The following IRAK3 variants were observed in gnomAD, a reference collection of about 807,000 sequenced individuals.
The protein encoded by IRAK3 is interleukin 1 receptor associated kinase 3, also known as interleukin-1 receptor-associated kinase 3.
Under a neutral mutation model 56.6 loss-of-function variants are expected in IRAK3, and 57 were observed. The observed-to-expected ratio is 1.01, with a 90% CI of 0.81 to 1.26. IRAK3 has a LOEUF of 1.26. IRAK3 is among the 50% of genes most tolerant of loss of function. IRAK3 has a pLI of 0.00. For synonymous variants in IRAK3, 258 were observed against 255.7 expected, an observed-to-expected ratio of 1.01 and a Z score of -0.09; for missense variants, 703 against 719.0, an observed-to-expected ratio of 0.98 and a Z score of 0.25.
Position 66,253,836 on chromosome 12 carries a change from C to T in IRAK3, c.*5665C>T, listed in dbSNP as rs1223468805. The T allele has an allele frequency of 6.6e-6, 1 of 151,992 alleles. No homozygotes were observed. Among genetic ancestry groups the T allele is most frequent in the Non-Finnish European group, 1.5e-5 (1 of 67,996 alleles). The allele number at this position is 151,992 out of a possible 1,614,324, so 9.4% of individuals were successfully genotyped here. On this transcript the variant is annotated 3_prime_UTR_variant, in exon 12 of 12. Coordinates refer to ENST00000261233, the MANE Select transcript of IRAK3 (RefSeq NM_007199.3). Reference sequence around the variant, plus strand: ...ATCTATTAGATTTAAAAAAATGAAGCATAAAGGAGTTGGCTCTTGCCCTAA... The same window carrying T: ...ATCTATTAGATTTAAAAAAATGAAGTATAAAGGAGTTGGCTCTTGCCCTAA...
rs148370500 is a variant in IRAK3, at chr12:66,199,561, C to T, written c.134-4150C>T. Among the ~76,000 whole-genome samples the T allele has an allele frequency of 4.6e-5, 7 of 152,320 alleles. No individual in the cohort carries two copies. In the East Asian group the frequency reaches 1.4e-3, roughly 29 times the overall value. On this transcript the variant is annotated intron_variant, in intron 1 of 11. Transcript: ENST00000261233. ...CTCTTTGGAAGTACTCAGTTTTAGA[C>T]ATGGCATAGCTCAGGCTCCAGAAGC...
intron 1 of IRAK3, among the ~76,000 whole-genome samples, chr12:66,202,229 C>T (rs1402734596): frequency 1.3e-5 from 2 of 152,116 alleles, no homozygotes; most frequent in African/African-American, 2.4e-5. Flanking sequence ...TAGAGATCCA[C>T]GGATGAGTGT....
chr12:66,244,957 G>A lies in IRAK3; in HGVS notation c.1096G>A (p.Glu366Lys). ...DVYSFGIVIM[E>K]VLTGCRVVLD... ...TATATATTCCTTGTAGGTAATAATG[G>A]AAGTTCTAACAGGATGTAGAGTAGT... is the stretch of plus-strand genomic sequence containing the variant. The change falls in exon 10 of 12, where the codon GAA becomes AAA. Residue 366 changes from glutamate (E) to lysine (K), a missense_variant. Glu to Lys is a moderately conservative substitution (Grantham distance 56, BLOSUM62 1). Transcript: ENST00000261233. 6.2e-7 allele frequency: 1 copy of A among 1,611,082 alleles called. No homozygotes were observed. The highest frequency in any genetic ancestry group is 8.5e-7 in the Non-Finnish European group (1 of 1,177,230).
At chr12:66,190,436 T>C (rs1445125836) in intron 1 of IRAK3, among the ~76,000 whole-genome samples, 26 of 152,156 alleles carry the variant, frequency 1.7e-4, no homozygotes, top group Non-Finnish European at 1.6e-4. Context: ...CAGTGTGCAT[T>C]TGAGGGATTT....
chr12:66,210,241 A>C, intron 4 of IRAK3, 40 bp downstream of exon 4: 1 of 1,210,514 alleles, frequency 8.3e-7, no homozygotes, highest in Non-Finnish European at 1.2e-6. Context: ...TTTTTTTAAA[A>C]TCATACTTTC....
rs1433436479 is a variant in IRAK3, at chr12:66,247,695, G to A, written c.1315G>A (p.Val439Ile). ...RAKLRPSMDE[V>I]LNTLESTQAS... ...TGTCTGTTTGCTTCTTTGTTATTAG[G>A]TTTTAAATACTCTTGAAAGTACTCA... Residue 439 changes from valine (V) to isoleucine (I), a missense_variant and splice_region_variant, in exon 12 of 12, where the codon GTT becomes ATT. Val to Ile is a conservative substitution (Grantham distance 29). Transcript: ENST00000261233. 4 of 1,594,132 alleles carry A rather than the reference G, an allele frequency of 2.5e-6. No individual in the cohort carries two copies. Among genetic ancestry groups the A allele is most frequent in the South Asian group, 2.2e-5 (2 of 90,694 alleles).
chr12:66,199,589 C>T (rs2052487550), intron 1 of IRAK3, among the ~76,000 whole-genome samples: 1 of 152,170 alleles, frequency 6.6e-6, no homozygotes, highest in Admixed American at 6.5e-5. Flanking sequence ...CCAGAAGCCA[C>T]CCCTCCAGAA....
chr12:66,248,428 T>A lies in IRAK3; in HGVS notation c.*257T>A. 2.7e-6 allele frequency: 1 copy of A among 365,186 alleles called. No individual in the cohort carries two copies. Among genetic ancestry groups the A allele is most frequent in the Non-Finnish European group, 5.0e-6 (1 of 198,858 alleles). 22.6% of individuals were successfully genotyped at this position (365,186 alleles called of 1,614,324 possible). On this transcript the variant is annotated 3_prime_UTR_variant, in exon 12 of 12. Coordinates refer to ENST00000261233, the MANE Select transcript of IRAK3 (RefSeq NM_007199.3). Reference sequence around the variant, plus strand: ...TCAATTAGAGCCATTCAAAATTCCTTAAGATCATGGGTTCTGACTTCAGCC... The same window carrying A: ...TCAATTAGAGCCATTCAAAATTCCTAAAGATCATGGGTTCTGACTTCAGCC...
chr12:66,209,634 A>G lies in IRAK3; in HGVS notation c.381+114A>G. On this transcript the variant is annotated intron_variant, in intron 3 of 11. Transcript: ENST00000261233. ...CTGGATTTGCCGGCACTTTTTAAAA[A>G]TCAGAAATGCCTTTGTTCTCTCATT... 1.1e-5 allele frequency: 8 copies of G among 742,748 alleles called. No individual in the cohort carries two copies. In the South Asian group the frequency reaches 1.1e-4, roughly 11 times the overall value. 46.0% of individuals were successfully genotyped at this position (742,748 alleles called of 1,614,324 possible).
intron 11 of IRAK3, among the ~76,000 whole-genome samples, chr12:66,246,517 C>T (rs1284676023): frequency 6.6e-6 from 1 of 152,142 alleles, no homozygotes; most frequent in Admixed American, 6.5e-5. Flanking sequence ...GGCCTGACAC[C>T]ACCCGTGAGA....
chr12:66,235,143 T>C (rs577790089), intron 8 of IRAK3: 2 of 1,613,238 alleles, frequency 1.2e-6, no homozygotes, highest in Admixed American at 3.3e-5. Context: ...GAGTTGCTGC[T>C]GCTGCTACTG....
rs1195205598 is a variant in IRAK3, at chr12:66,250,478, G to C, written c.*2307G>C. Reference sequence around the variant, plus strand: ...GAGATTAAAACCACAGTAAGTCTTAGTCTGACTGACAGGCTTTATACAGGC... The same window carrying C: ...GAGATTAAAACCACAGTAAGTCTTACTCTGACTGACAGGCTTTATACAGGC... On this transcript the variant is annotated 3_prime_UTR_variant, in exon 12 of 12. Transcript: ENST00000261233. The C allele has an allele frequency of 6.6e-6, 1 of 152,230 alleles. No individual in the cohort carries two copies. Among genetic ancestry groups the C allele is most frequent in the African/African-American group, 2.4e-5 (1 of 41,456 alleles). The allele number at this position is 152,230 out of a possible 1,614,324, so 9.4% of individuals were successfully genotyped here.
At chr12:66,204,779 CACACACACA>C (rs879568959) in intron 2 of IRAK3, among the ~76,000 whole-genome samples, 3 of 15,212 alleles carry the variant, frequency 2.0e-4, no homozygotes, top group Non-Finnish European at 2.9e-4. Flanking sequence ...AGCCCTTGCG[CACACACACA>C]CACACACACA....
At chr12:66,230,678 C>G (rs903746516) in intron 8 of IRAK3, among the ~76,000 whole-genome samples, 3 of 143,624 alleles carry the variant, frequency 2.1e-5, no homozygotes, top group Non-Finnish European at 4.5e-5. Flanking sequence ...TGGGGAAGGA[C>G]AGGGTGGGGA....
intron 6 of IRAK3, among the ~76,000 whole-genome samples, chr12:66,219,505 C>T (rs1165914564): frequency 6.6e-6 from 1 of 152,218 alleles, no homozygotes; most frequent in African/African-American, 2.4e-5. Context: ...GCCCATTAAA[C>T]CTCTTTCTTT....
chr12:66,205,343 C>T (rs997881288), intron 2 of IRAK3, among the ~76,000 whole-genome samples: 28 of 152,014 alleles, frequency 1.8e-4, no homozygotes, highest in African/African-American at 6.0e-4. Flanking sequence ...TGAGATTAGC[C>T]GATTGGTAAA....
chr12:66,206,075 T>G (rs775045084), intron 2 of IRAK3, among the ~76,000 whole-genome samples: 3 of 151,436 alleles, frequency 2.0e-5, no homozygotes, highest in African/African-American at 4.9e-5. Flanking sequence ...TCTACTGGCT[T>G]CTTCTTAAGA....
chr12:66,209,094 T>A (rs2052587043), intron 2 of IRAK3, among the ~76,000 whole-genome samples: 1 of 150,954 alleles, frequency 6.6e-6, no homozygotes, highest in East Asian at 1.9e-4. Flanking sequence ...AAAAGGCTGA[T>A]AATTTTTTTT....
chr12:66,192,939 T>C (rs1163993088), intron 1 of IRAK3, among the ~76,000 whole-genome samples: 3 of 152,188 alleles, frequency 2.0e-5, no homozygotes, highest in Non-Finnish European at 2.9e-5. Context: ...ATGATCAGAC[T>C]GCATATTCTA....
Sources: allele counts gnomAD v4.1 joint callset (sites outside exome capture counted in the v4.1 genomes callset), GRCh38; gene constraint gnomAD v4.1.1; transcripts MANE v1.5; gene names NCBI Gene and HGNC (gene_info 2026-07-23, HGNC 2026-07-21).